Variants in LIFR observed in about 807,000 individuals in gnomAD.
The protein encoded by LIFR is leukemia inhibitory factor receptor.
In LIFR, 84 loss-of-function variants were observed where a neutral mutation model predicts 122.2. The observed-to-expected ratio is 0.69, with a 90% CI of 0.58 to 0.82. The LOEUF is 0.82. Ranked by LOEUF, LIFR falls within the 40% of genes least tolerant of loss-of-function variation. The probability of loss-of-function intolerance (pLI) is 0.00; values close to 1 mark genes in which losing one functional copy is unlikely to be tolerated. For missense variants in LIFR, 1,294 were observed against 1,311.6 expected (o/e 0.99, Z 0.21); for synonymous variants, 422 against 434.7 (o/e 0.97, Z 0.36).
At chr5:38,510,356 A>T in intron 7 of LIFR, 108 bp downstream of exon 7, 1 of 1,027,912 alleles carries the variant, frequency 9.7e-7, no homozygotes, top group Non-Finnish European at 1.5e-6. Flanking sequence ...AAGAAATGAG[A>T]AAGAAACAGA....
In LIFR at chr5:38,481,778, C is replaced by A. The variant is rs1394706286; in HGVS notation, c.3111G>T (p.Trp1037Cys). The A allele has an allele frequency of 6.2e-7, 1 of 1,614,030 alleles. No homozygotes were observed. The change falls in exon 20 of 20, where the codon TGG becomes TGT. Residue 1037 changes from tryptophan to cysteine, a missense_variant. Transcript: ENST00000453190. The stretch of plus-strand genomic sequence containing the variant: ...TAGGAGAGTCTGGAGACACTAAATT[C>A]CATGTATTTACATTGGCCTGAGGTC... The part of the protein sequence containing the change: ...GYRPQANVNT[W>C]NLVSPDSPRS...
chr5:38,595,727 C>CT (rs70978897), upstream of LIFR, among the ~76,000 whole-genome samples: 30,567 of 92,308 alleles, frequency 0.33, 5,871 homozygotes, highest in Non-Finnish European at 0.39. Context: ...CACAATAGGT[C>CT]TTTTTTTTTT....
chr5:38,525,552 A>C (rs1032184925), intron 4 of LIFR, among the ~76,000 whole-genome samples: 1 of 152,228 alleles, frequency 6.6e-6, no homozygotes, highest in Non-Finnish European at 1.5e-5. Flanking sequence ...CACTGGATTT[A>C]TGTAAAGTGT....
intron 1 of LIFR, among the ~76,000 whole-genome samples, chr5:38,542,878 C>T (rs751882857): frequency 6.6e-6 from 1 of 152,088 alleles, no homozygotes; most frequent in Non-Finnish European, 1.5e-5. Flanking sequence ...GTTCTCAGGT[C>T]GTAATGCATA....
chr5:38,532,915 G>A (rs1747093653), intron 1 of LIFR, among the ~76,000 whole-genome samples: 1 of 152,134 alleles, frequency 6.6e-6, no homozygotes, highest in Non-Finnish European at 1.5e-5. Context: ...ATTTTTATAC[G>A]ATTTCAGGAG....
intron 8 of LIFR, 97 bp from the exon 9 acceptor site, chr5:38,506,171 T>C: frequency 1.3e-6 from 1 of 788,154 alleles, no homozygotes; most frequent in Non-Finnish European, 2.1e-6. Flanking sequence ...ATAAAAAGTT[T>C]AAATTTCTAA....
At chr5:38,482,772 T>C (rs1235671336) in intron 18 of LIFR, 105 bp from the exon 19 acceptor site, 2 of 522,042 alleles carry the variant, frequency 3.8e-6, no homozygotes, top group East Asian at 6.6e-5. Context: ...AATCCTTTAA[T>C]GCACATCTGA....
At position 38,490,173 on chromosome 5, in the gene LIFR, G is replaced by C. The variant is rs746185372; in HGVS notation, c.2167+17C>G. 1.9e-5 allele frequency: 21 copies of C among 1,097,556 alleles called. No homozygotes were observed. Among genetic ancestry groups the C allele is most frequent in the Non-Finnish European group, 2.9e-5 (21 of 724,082 alleles). The allele number at this position is 1,097,556 out of a possible 1,614,324, so 68.0% of individuals were successfully genotyped here. On this transcript the variant is annotated intron_variant, in intron 15 of 19. Coordinates refer to ENST00000453190, the MANE Select transcript of LIFR (RefSeq NM_001127671.2). ...TGTTGCCTTGAGCTCTTATAAATAA[G>C]TACCCATTTAACTTACCCAATTCTT...
At chr5:38,483,314 C>T (rs1561129529) in intron 18 of LIFR, among the ~76,000 whole-genome samples, 2 of 152,210 alleles carry the variant, frequency 1.3e-5, no homozygotes, top group South Asian at 2.1e-4. Context: ...GAAATTCCTA[C>T]AGAAAAAATA....
In LIFR at chr5:38,490,295, T is replaced by C. The variant is rs756512233; in HGVS notation, c.2066-4A>G. On this transcript the variant is annotated splice_polypyrimidine_tract_variant and splice_region_variant and intron_variant, in intron 14 of 19. Coordinates refer to ENST00000453190, the MANE Select transcript of LIFR (RefSeq NM_001127671.2). ...CTTATACCTGGTCGAAACTCATCTA[T>C]AGGATGAACATATCAGCAAACTTTC... 1.1e-5 allele frequency: 14 copies of C among 1,324,532 alleles called. No individual in the cohort carries two copies. Among genetic ancestry groups the C allele is most frequent in the African/African-American group, 1.0e-4 (7 of 69,180 alleles). 82.0% of individuals were successfully genotyped at this position (1,324,532 alleles called of 1,614,324 possible). A position where few individuals can be genotyped will look rare whatever the true frequency, so the allele number is the denominator to read the frequency against.
intron 1 of LIFR, among the ~76,000 whole-genome samples, chr5:38,552,537 A>G (rs1440360668): frequency 6.6e-6 from 1 of 152,234 alleles, no homozygotes; most frequent in Non-Finnish European, 1.5e-5. Context: ...CACAAAAGGC[A>G]TCTTTGAACT....
At chr5:38,584,102 C>T (rs1159586708) in intron 1 of LIFR, among the ~76,000 whole-genome samples, 1 of 151,892 alleles carries the variant, frequency 6.6e-6, no homozygotes, top group Non-Finnish European at 1.5e-5. Flanking sequence ...CATGGAGATG[C>T]AAATTAAAGC....
At chr5:38,515,636 G>T (rs1329824074) in intron 5 of LIFR, among the ~76,000 whole-genome samples, 1 of 151,764 alleles carries the variant, frequency 6.6e-6, no homozygotes, top group Non-Finnish European at 1.5e-5. Flanking sequence ...TGAGGCGGTG[G>T]GGGGAGAGGA....
chr5:38,519,750 C>T (rs988065214), intron 5 of LIFR, among the ~76,000 whole-genome samples: 3 of 152,128 alleles, frequency 2.0e-5, no homozygotes, highest in African/African-American at 7.2e-5. Flanking sequence ...TGGCTTATTT[C>T]GCTTAGCGTA....
chr5:38,510,631 T>G lies in LIFR; in HGVS notation c.824A>C (p.Glu275Ala). Reference sequence around the variant, plus strand: ...GCCAATCAGTGCTGATAACACTTTTTCTTGACTCACACAACAAAATGTTAT... The same window carrying G: ...GCCAATCAGTGCTGATAACACTTTTGCTTGACTCACACAACAAAATGTTAT... The part of the protein sequence containing the change: ...SDITFCCVSQ[E>A]KVLSALIGHT... The change falls in exon 7 of 20, where the codon GAA becomes GCA. Residue 275 changes from glutamate (E) to alanine (A), a missense_variant. By Grantham distance (107) the Glu-to-Ala change is moderately radical. Transcript: ENST00000453190. The G allele has an allele frequency of 6.2e-7, 1 of 1,614,046 alleles. No individual in the cohort carries two copies.
At chr5:38,497,703 G>A (rs1438525051) in intron 12 of LIFR, among the ~76,000 whole-genome samples, 2 of 151,900 alleles carry the variant, frequency 1.3e-5, no homozygotes, top group African/African-American at 4.8e-5. Context: ...GTTTTTCTAG[G>A]TATAGATTTT....
intron 12 of LIFR, among the ~76,000 whole-genome samples, chr5:38,498,353 C>T (rs1356238132): frequency 1.3e-5 from 2 of 152,176 alleles, no homozygotes; most frequent in Admixed American, 6.5e-5. Flanking sequence ...ATGCATGCTG[C>T]TGTCACCTGG....
intron 18 of LIFR, among the ~76,000 whole-genome samples, 170 bp downstream of exon 18, chr5:38,484,605 A>G (rs1412929839): frequency 6.6e-6 from 1 of 152,234 alleles, no homozygotes; most frequent in Non-Finnish European, 1.5e-5. Flanking sequence ...ACCTTTAAAT[A>G]ATATGTCATG....
rs146459151 is a variant in LIFR, at chr5:38,544,509, ACACT to A, written c.-20+11821_-20+11824del. ...CTGACTCTTCTCATCATTCAAATTA[ACACT>A]CACTTCCTCAGGAAGGCCTCTACTC... On this transcript the variant is annotated intron_variant, in intron 1 of 19. Transcript: ENST00000453190. Among the ~76,000 whole-genome samples, 1,761 of 152,132 alleles carry A rather than the reference ACACT, an allele frequency of 0.012. 176 individuals carry two copies. The East Asian group carries it at 0.25, about 22-fold the overall frequency.
Sources: gnomAD v4.1 joint callset for allele counts (sites outside exome capture counted in the v4.1 genomes callset) on GRCh38, gnomAD v4.1.1 for gene constraint, MANE v1.5 for transcripts, NCBI Gene and HGNC (gene_info 2026-07-23, HGNC 2026-07-21) for gene names.